The following SLC30A8 variants were observed in gnomAD, a reference collection of about 807,000 sequenced individuals.
SLC30A8 encodes proton-coupled zinc antiporter SLC30A8.
Under a neutral mutation model 36.9 loss-of-function variants are expected in SLC30A8, and 27 were observed. That is an observed-to-expected ratio of 0.73 (90% confidence interval 0.54 to 1.01). SLC30A8 has a LOEUF of 1.01. Among genes scored for constraint, SLC30A8 ranks in the 50% least tolerant of loss-of-function variants. The pLI is 0.00. For missense variants in SLC30A8, 439 were observed against 452.0 expected, an observed-to-expected ratio of 0.97 and a Z score of 0.26; for synonymous variants, 164 against 172.4, an observed-to-expected ratio of 0.95 and a Z score of 0.38.
At chr8:117,154,659 G>A (rs1226690167) in intron 3 of SLC30A8, among the ~76,000 whole-genome samples, 1 of 152,174 alleles carries the variant, frequency 6.6e-6, no homozygotes, top group Non-Finnish European at 1.5e-5. Context: ...TGTTTTTGCT[G>A]GTGCTTGAAC....
At chr8:117,084,958 G>A (rs1160055115) in intron 2 of SLC30A8, among the ~76,000 whole-genome samples, 1 of 152,008 alleles carries the variant, frequency 6.6e-6, no homozygotes, top group Non-Finnish European at 1.5e-5. Flanking sequence ...TCTGAGGTAT[G>A]GGAAACAAGC....
At chr8:117,125,529 A>G (rs1047786104) in intron 2 of SLC30A8, among the ~76,000 whole-genome samples, 1 of 151,998 alleles carries the variant, frequency 6.6e-6, no homozygotes, top group African/African-American at 2.4e-5. Flanking sequence ...TGGCACTATG[A>G]GGGACCTCCA....
intron 2 of SLC30A8, among the ~76,000 whole-genome samples, chr8:117,090,512 T>C (rs72687115): frequency 0.019 from 2,940 of 152,292 alleles, 50 homozygotes; most frequent in South Asian, 0.035. Flanking sequence ...ATTTGTTGTC[T>C]AGTGAGATCT....
At chr8:116,969,180 G>A (rs781509409) in intron 1 of SLC30A8, among the ~76,000 whole-genome samples, 2 of 152,148 alleles carry the variant, frequency 1.3e-5, no homozygotes, top group East Asian at 1.9e-4. Flanking sequence ...CAATTTGGGA[G>A]GCCGAGGTGG....
intron 2 of SLC30A8, among the ~76,000 whole-genome samples, chr8:117,072,251 C>T (rs902973347): frequency 2.6e-5 from 4 of 152,208 alleles, no homozygotes; most frequent in African/African-American, 9.6e-5. Flanking sequence ...CTATCCACTG[C>T]TTAATCCCTC....
chr8:117,169,487 GT>G (rs747518969), intron 6 of SLC30A8, among the ~76,000 whole-genome samples: 1 of 152,120 alleles, frequency 6.6e-6, no homozygotes, highest in African/African-American at 2.4e-5. Context: ...AGTTCTAGCT[GT>G]TCATTATAAT....
chr8:116,982,497 A>G (rs1195030592), intron 1 of SLC30A8, among the ~76,000 whole-genome samples: 1 of 152,178 alleles, frequency 6.6e-6, no homozygotes, highest in Non-Finnish European at 1.5e-5. Context: ...TACTTCTAAT[A>G]TTTTACATTA....
At chr8:117,103,764 C>T (rs2130863219) in intron 2 of SLC30A8, among the ~76,000 whole-genome samples, 1 of 152,282 alleles carries the variant, frequency 6.6e-6, no homozygotes, top group South Asian at 2.1e-4. Flanking sequence ...CCACTGCGCC[C>T]AGCCATGGGT....
At chr8:116,972,277 A>G (rs900174585) in intron 1 of SLC30A8, among the ~76,000 whole-genome samples, 3 of 152,210 alleles carry the variant, frequency 2.0e-5, no homozygotes, top group African/African-American at 7.2e-5. Context: ...TTTGCTGAAA[A>G]GGCTGTCTGG....
In SLC30A8 at chr8:117,174,121, A is replaced by G. The variant is rs1449727068; in HGVS notation, c.*1440A>G. On this transcript the variant is annotated 3_prime_UTR_variant, in exon 8 of 8. Coordinates refer to ENST00000456015, the MANE Select transcript of SLC30A8 (RefSeq NM_173851.3). ...TCCACGCTGTGATTTTTAAAACTACATACTTTTTGCAACTTTATGGTTATG... is the reference window on the plus strand; with the variant it reads ...TCCACGCTGTGATTTTTAAAACTACGTACTTTTTGCAACTTTATGGTTATG... 2 of 152,176 alleles carry G rather than the reference A, an allele frequency of 1.3e-5. No homozygotes were observed. The highest frequency in any genetic ancestry group is 2.9e-5 in the Non-Finnish European group (2 of 68,026). 9.4% of individuals were successfully genotyped at this position (152,176 alleles called of 1,614,324 possible). A position where few individuals can be genotyped will look rare whatever the true frequency, so the allele number is the denominator to read the frequency against.
At chr8:117,172,412 C>T in intron 7 of SLC30A8, 124 bp from the exon 8 acceptor site, 1 of 1,308,308 alleles carries the variant, frequency 7.6e-7, no homozygotes, top group South Asian at 1.2e-5. Flanking sequence ...ACGTGGCTTC[C>T]TCTGAGTGCC....
intron 1 of SLC30A8, among the ~76,000 whole-genome samples, chr8:117,015,347 C>T (rs1816481315): frequency 6.6e-6 from 1 of 152,148 alleles, no homozygotes; most frequent in South Asian, 2.1e-4. Context: ...CTCAGACACA[C>T]AAACACATAC....
rs150345721 is a variant in SLC30A8 at position 117,012,477 on chromosome 8, C to G, written c.-265-26742C>G. ...TTTTGTCATGTCATTATTACCCATA[C>G]AATACAGTATGACAACTATTTACAT... On this transcript the variant is annotated intron_variant, in intron 1 of 10. Coordinates refer to the SLC30A8 transcript ENST00000427715. 7.3e-3 allele frequency among the ~76,000 whole-genome samples: 1,107 copies of G among 151,950 alleles called. 11 individuals are homozygous for G. Among genetic ancestry groups the G allele is most frequent in the African/African-American group, 0.025 (1,044 of 41,470 alleles).
At chr8:117,126,622 A>G (rs1334553402) in intron 2 of SLC30A8, among the ~76,000 whole-genome samples, 1 of 151,998 alleles carries the variant, frequency 6.6e-6, no homozygotes, top group Admixed American at 6.6e-5. Context: ...TTCTTCACCC[A>G]TGATATGCCA....
chr8:117,082,363 GA>G (rs34772819), intron 2 of SLC30A8, among the ~76,000 whole-genome samples: 15 of 151,048 alleles, frequency 9.9e-5, no homozygotes, highest in East Asian at 5.8e-4. Context: ...GATTAAAAGA[GA>G]AAAAAAAATA....
chr8:117,136,047 TTA>T (rs1821346028), intron 1 of SLC30A8, among the ~76,000 whole-genome samples: 1 of 151,956 alleles, frequency 6.6e-6, no homozygotes, highest in Non-Finnish European at 1.5e-5. Context: ...CTCTTGAAAC[TTA>T]GTCTAATGTG....
chr8:117,005,297 G>A (rs1352276050), intron 1 of SLC30A8, among the ~76,000 whole-genome samples: 1 of 152,072 alleles, frequency 6.6e-6, no homozygotes, highest in Admixed American at 6.5e-5. Context: ...CACTTCATAT[G>A]AATGGAATCA....
chr8:117,122,163 G>C (rs1820720077), intron 2 of SLC30A8, among the ~76,000 whole-genome samples: 1 of 151,858 alleles, frequency 6.6e-6, no homozygotes, highest in Non-Finnish European at 1.5e-5. Context: ...GATAAGACTG[G>C]CCTTTGTAAG....
chr8:117,038,371 T>C (rs1817280876), intron 1 of SLC30A8, among the ~76,000 whole-genome samples: 1 of 152,240 alleles, frequency 6.6e-6, no homozygotes, highest in African/African-American at 2.4e-5. Flanking sequence ...TTTATGTGTG[T>C]ATGCATTCCT....
Sources: gnomAD v4.1 joint callset for allele counts (sites outside exome capture counted in the v4.1 genomes callset) on GRCh38, gnomAD v4.1.1 for gene constraint, MANE v1.5 for transcripts, NCBI Gene and HGNC (gene_info 2026-07-23, HGNC 2026-07-21) for gene names.